The following GABRA3 variants were observed in gnomAD, a reference collection of about 807,000 sequenced individuals.
GABRA3 encodes the protein gamma-aminobutyric acid receptor subunit alpha-3.
In GABRA3, 10 loss-of-function variants were observed where a neutral mutation model predicts 30.1. That is an observed-to-expected ratio of 0.33 (90% CI 0.20 to 0.56). GABRA3 has a LOEUF of 0.56. GABRA3 is among the 20% of genes least tolerant of loss of function. The probability of loss-of-function intolerance (pLI) is 0.89; values close to 1 mark genes in which losing one functional copy is unlikely to be tolerated. For missense variants in GABRA3, 233 were observed against 392.0 expected (o/e 0.59, Z 3.42); for synonymous variants, 151 against 146.8 (o/e 1.03, Z -0.21).
At chrX:152,181,002 G>C (rs772918066) in intron 9 of GABRA3, among the ~76,000 whole-genome samples, 1 of 112,001 alleles carries the variant, frequency 8.9e-6, no homozygotes, top group South Asian at 3.7e-4. Flanking sequence ...TTTTGCTCAA[G>C]ATTGCTTTGA....
At chrX:152,204,984 A>G (rs1937519843) in intron 7 of GABRA3, among the ~76,000 whole-genome samples, 1 of 111,367 alleles carries the variant, frequency 9.0e-6, no homozygotes, top group Non-Finnish European at 1.9e-5. Context: ...CTTCATATTC[A>G]CATGGTGTTC....
Position 152,396,861 on chromosome X carries a change from G to A in GABRA3, c.-26-32265C>T, listed in dbSNP as rs191863910. 4.3e-3 allele frequency among the ~76,000 whole-genome samples: 478 copies of A among 111,967 alleles called. 2 individuals carry two copies. The highest frequency in any genetic ancestry group is 0.015 in the African/African-American group (464 of 30,876). On this transcript the variant is annotated intron_variant, in intron 1 of 9. Transcript: ENST00000370314. ...ATGGGCAAATATAACTAACATGCTTGAAAATCATGACATATGACATCATAA... is the reference window on the plus strand; with the variant it reads ...ATGGGCAAATATAACTAACATGCTTAAAAATCATGACATATGACATCATAA...
At chrX:152,308,628 A>G (rs949866178) in intron 3 of GABRA3, among the ~76,000 whole-genome samples, 1 of 112,161 alleles carries the variant, frequency 8.9e-6, no homozygotes, top group Non-Finnish European at 1.9e-5. Flanking sequence ...ATCAAAAGAT[A>G]TAAAAGCAGA....
chrX:152,237,393 C>CTG (rs1225042902), intron 5 of GABRA3, among the ~76,000 whole-genome samples: 2 of 105,669 alleles, frequency 1.9e-5, no homozygotes, highest in Non-Finnish European at 3.9e-5. Flanking sequence ...GTTTTGGTTA[C>CTG]TGTAGCCTTG....
intron 2 of GABRA3, among the ~76,000 whole-genome samples, chrX:152,355,846 C>T (rs1940541751): frequency 9.0e-6 from 1 of 111,465 alleles, no homozygotes; most frequent in African/African-American, 3.3e-5. Flanking sequence ...AATACTTGAC[C>T]AGGAACCAGG....
chrX:152,173,949 C>T (rs1937038158), intron 9 of GABRA3, among the ~76,000 whole-genome samples: 1 of 109,959 alleles, frequency 9.1e-6, no homozygotes, highest in South Asian at 4.0e-4. Context: ...TCTCCCCTCA[C>T]CCCACAACAG....
chrX:152,405,839 T>C (rs973344851), intron 1 of GABRA3, among the ~76,000 whole-genome samples: 9 of 111,123 alleles, frequency 8.1e-5, no homozygotes, highest in Admixed American at 9.5e-5. Context: ...ATAGATTCCA[T>C]GGCCCTTGGG....
chrX:152,433,545 A>C (rs907121156), intron 1 of GABRA3, among the ~76,000 whole-genome samples: 1 of 109,937 alleles, frequency 9.1e-6, no homozygotes, highest in Non-Finnish European at 1.9e-5. Flanking sequence ...AGATAGGGGT[A>C]GTTACAGCAT....
chrX:152,225,430 A>G (rs868031459), intron 5 of GABRA3, among the ~76,000 whole-genome samples: 1 of 20,543 alleles, frequency 4.9e-5, no homozygotes, highest in Non-Finnish European at 1.3e-4. Context: ...ACACACACAC[A>G]CGCACACACA....
At chrX:152,381,079 A>G (rs934786152) in intron 1 of GABRA3, among the ~76,000 whole-genome samples, 8 of 111,726 alleles carry the variant, frequency 7.2e-5, no homozygotes, top group Non-Finnish European at 3.8e-5. Flanking sequence ...CCTTTTGCAC[A>G]TGCCGGCTTC....
chrX:152,184,815 C>T lies in GABRA3; in HGVS notation c.1143+4915G>A, dbSNP rs773361473. Among the ~76,000 whole-genome samples the T allele has an allele frequency of 3.3e-4, 37 of 111,462 alleles. 1 individual carries two copies. In the South Asian group the frequency reaches 0.013, roughly 40 times the overall value. ...TCCTTTACTCTCATTTTAGCGGAAT[C>T]TTCAAAGGAAGCAGTGATAAAAACA... On this transcript the variant is annotated intron_variant, in intron 9 of 9. Transcript: ENST00000370314.
chrX:152,234,173 G>A (rs1471479889), intron 5 of GABRA3, among the ~76,000 whole-genome samples: 1 of 106,339 alleles, frequency 9.4e-6, no homozygotes, highest in Admixed American at 1.0e-4. Context: ...TTGTGTACAT[G>A]TACCCTAAAA....
At chrX:152,295,233 T>C (rs778575379) in intron 3 of GABRA3, among the ~76,000 whole-genome samples, 1 of 112,600 alleles carries the variant, frequency 8.9e-6, no homozygotes, top group Admixed American at 9.3e-5. Context: ...TCTTCAGAGC[T>C]GTCAGATGGA....
chrX:152,329,269 G>C (rs9698014), intron 3 of GABRA3, among the ~76,000 whole-genome samples: 19,263 of 110,638 alleles, frequency 0.17, 1,333 homozygotes, highest in African/African-American at 0.26. Context: ...TGGCCATACT[G>C]CCCAAGGTAA....
At chrX:152,423,450 A>T (rs1416901666) in intron 1 of GABRA3, among the ~76,000 whole-genome samples, 4 of 112,261 alleles carry the variant, frequency 3.6e-5, no homozygotes, top group Non-Finnish European at 7.5e-5. Flanking sequence ...ATTTATGACC[A>T]ATGAGGAAAT....
chrX:152,286,742 T>C (rs985798587), intron 3 of GABRA3, among the ~76,000 whole-genome samples: 4 of 111,774 alleles, frequency 3.6e-5, no homozygotes, highest in African/African-American at 1.3e-4. Flanking sequence ...ACTACACTCA[T>C]CCATAAAAAT....
chrX:152,296,269 T>C (rs986646977), intron 3 of GABRA3, among the ~76,000 whole-genome samples: 2 of 111,949 alleles, frequency 1.8e-5, no homozygotes, highest in Admixed American at 9.5e-5. Context: ...GCTTCATAGA[T>C]TTAAGGAGTG....
chrX:152,288,705 A>C (rs960156046), intron 3 of GABRA3, among the ~76,000 whole-genome samples: 2 of 111,806 alleles, frequency 1.8e-5, no homozygotes, highest in African/African-American at 6.5e-5. Flanking sequence ...CAGTGAATTA[A>C]ACTGAAACTC....
At chrX:152,175,450 C>T (rs1238710593) in intron 9 of GABRA3, among the ~76,000 whole-genome samples, 1 of 110,992 alleles carries the variant, frequency 9.0e-6, no homozygotes, top group East Asian at 2.9e-4. Flanking sequence ...GCTTGGGGTG[C>T]AGGAATAAAT....
Sources: allele counts gnomAD v4.1 joint callset (sites outside exome capture counted in the v4.1 genomes callset), GRCh38; gene constraint gnomAD v4.1.1; transcripts MANE v1.5; gene names NCBI Gene and HGNC (gene_info 2026-07-23, HGNC 2026-07-21).